STMN1: variants seen among roughly 807,000 people sequenced by gnomAD.
STMN1 encodes the protein stathmin 1.
A neutral mutation model predicts 19.7 loss-of-function variants in STMN1; 3 were observed. The ratio of observed to expected loss-of-function variants is 0.15; its 90% confidence interval spans 0.07 to 0.39. The LOEUF (loss-of-function observed/expected upper bound fraction) is 0.39, where lower values mean the gene tolerates loss of function less well. STMN1 is among the 10% of genes least tolerant of loss of function. The pLI, the probability that STMN1 is intolerant of heterozygous loss-of-function variation, is 1.00. For synonymous variants in STMN1, 59 were observed against 58.9 expected (o/e 1.00, Z -0.01); for missense variants, 99 against 176.0 (o/e 0.56, Z 2.48).
chr1:25,885,664 A>T, exon 5 of STMN1: 1 of 1,487,290 alleles, frequency 6.7e-7, no homozygotes. Context: ...CCTCTTGGCC[A>T]GACTGTTCAT....
intron 4 of STMN1, among the ~76,000 whole-genome samples, chr1:25,890,744 C>T (rs1404304403): frequency 1.3e-5 from 2 of 152,196 alleles, no homozygotes; most frequent in Admixed American, 6.5e-5. Flanking sequence ...CTACGGGACA[C>T]ACCCAGCAGC....
At chr1:25,894,547 G>A (rs544138949) in intron 4 of STMN1, among the ~76,000 whole-genome samples, 1 of 152,204 alleles carries the variant, frequency 6.6e-6, no homozygotes, top group East Asian at 1.9e-4. Context: ...GGCCATTGTG[G>A]CATGCACCTA....
downstream of STMN1, among the ~76,000 whole-genome samples, chr1:25,899,231 G>T (rs934204111): frequency 3.3e-5 from 5 of 152,118 alleles, no homozygotes; most frequent in Admixed American, 6.5e-5. Context: ...TGTCTTAGAT[G>T]AACAAAAGCT....
Position 25,900,715 on chromosome 1 carries a change from C to T in STMN1, c.*301G>A. 9.0e-7 allele frequency: 1 copy of T among 1,117,310 alleles called. No homozygotes were observed. The highest frequency in any genetic ancestry group is 1.1e-6 in the Non-Finnish European group (1 of 915,056). 69.2% of individuals were successfully genotyped at this position (1,117,310 alleles called of 1,614,324 possible). A position where few individuals can be genotyped will look rare whatever the true frequency, so the allele number is the denominator to read the frequency against. ...TACTCTTTTCACAAATATGTTTTCA[C>T]AGAGCCAATACAGTACTAGCCATTA... On this transcript the variant is annotated 3_prime_UTR_variant, in exon 5 of 5. Coordinates refer to ENST00000455785, the MANE Select transcript of STMN1 (RefSeq NM_005563.4).
At position 25,904,534 on chromosome 1, in the gene STMN1, T is replaced by C. The variant is rs563269418; in HGVS notation, c.13+130A>G. On this transcript the variant is annotated intron_variant, in intron 2 of 4. Transcript: ENST00000455785. ...CAAGTGATAATCATTTTTAAATTCT[T>C]CTCCTATTCATAAAATAGGTTTTGG... The C allele has an allele frequency of 2.6e-5, 19 of 737,004 alleles. No individual in the cohort carries two copies. In the African/African-American group the frequency reaches 2.9e-4, roughly 11 times the overall value. 45.7% of individuals were successfully genotyped at this position (737,004 alleles called of 1,614,324 possible). A position where few individuals can be genotyped will look rare whatever the true frequency, so the allele number is the denominator to read the frequency against.
At chr1:25,897,960 CCA>C (rs1238957849), downstream of STMN1, among the ~76,000 whole-genome samples, 1 of 152,204 alleles carries the variant, frequency 6.6e-6, no homozygotes, top group African/African-American at 2.4e-5. Flanking sequence ...ATGGATTGCT[CCA>C]GAGCCCAGCA....
At chr1:25,887,367 T>C (rs2048731358) in intron 4 of STMN1, 2 of 277,538 alleles carry the variant, frequency 7.2e-6, no homozygotes, top group South Asian at 9.5e-5. Flanking sequence ...ACGGTAAGTC[T>C]ACCCCTCAAT....
chr1:25,904,532 C>A, intron 2 of STMN1, 132 bp downstream of exon 2: 2 of 732,952 alleles, frequency 2.7e-6, no homozygotes, highest in South Asian at 1.8e-5. Flanking sequence ...TTTTTAAATT[C>A]TTCTCCTATT....
At chr1:25,892,861 G>GA (rs2048788750) in intron 4 of STMN1, among the ~76,000 whole-genome samples, 1 of 152,006 alleles carries the variant, frequency 6.6e-6, no homozygotes, top group Non-Finnish European at 1.5e-5. Context: ...GTGATTTGGG[G>GA]AAAAAAGCCA....
At chr1:25,899,296 CCT>C (rs1278811953), downstream of STMN1, among the ~76,000 whole-genome samples, 1 of 102,544 alleles carries the variant, frequency 9.8e-6, no homozygotes, top group Admixed American at 1.1e-4. Flanking sequence ...ACCCTCAGGC[CCT>C]CTTTATATTC....
intron 4 of STMN1, among the ~76,000 whole-genome samples, chr1:25,895,026 T>C (rs565717511): frequency 6.6e-6 from 1 of 151,722 alleles, no homozygotes; most frequent in Non-Finnish European, 1.5e-5. Flanking sequence ...AGAGGTACAG[T>C]ACATCTCTGG....
At chr1:25,904,529 ATTC>A (rs1339077051) in intron 2 of STMN1, 132 bp downstream of exon 2, 3 of 727,034 alleles carry the variant, frequency 4.1e-6, no homozygotes, top group East Asian at 2.7e-5. Flanking sequence ...TCATTTTTAA[ATTC>A]TTCTCCTATT....
rs142141089 is a variant in STMN1, at chr1:25,904,633, C to A, written c.13+31G>T. 1.0e-5 allele frequency: 16 copies of A among 1,598,466 alleles called. No homozygotes were observed. In the South Asian group the frequency reaches 1.5e-4, roughly 15 times the overall value. On this transcript the variant is annotated intron_variant, in intron 2 of 4. Coordinates refer to ENST00000455785, the MANE Select transcript of STMN1 (RefSeq NM_005563.4). ...TCAATCTAAAATCATAAGCCCATTA[C>A]AATTTCAGATTTTCCAAATAGATTA...
In STMN1 at chr1:25,885,654, C is replaced by A. The variant is rs147016836; in HGVS notation, c.*69G>T. The A allele has an allele frequency of 3.1e-5, 45 of 1,436,964 alleles. No individual in the cohort carries two copies. In the African/African-American group the frequency reaches 6.1e-4, roughly 19 times the overall value. 89.0% of individuals were successfully genotyped at this position (1,436,964 alleles called of 1,614,324 possible). On this transcript the variant is annotated 3_prime_UTR_variant, in exon 5 of 5. Coordinates refer to the STMN1 transcript ENST00000426559. ...TTTTTCTATCTTCCACATCAAGGATCCTCTTGGCCAGACTGTTCATCAGTC... is the reference window on the plus strand; with the variant it reads ...TTTTTCTATCTTCCACATCAAGGATACTCTTGGCCAGACTGTTCATCAGTC...
In STMN1 at chr1:25,906,043, A is replaced by G. The variant is rs1453114170; in HGVS notation, c.-63+346T>C. The G allele has an allele frequency of 6.6e-6, 1 of 151,878 alleles. No individual in the cohort carries two copies. Among genetic ancestry groups the G allele is most frequent in the Non-Finnish European group, 1.5e-5 (1 of 68,050 alleles). The allele number at this position is 151,878 out of a possible 1,614,324, so 9.4% of individuals were successfully genotyped here. A position where few individuals can be genotyped will look rare whatever the true frequency, so the allele number is the denominator to read the frequency against. ...GGGGCACCGCCCCGTCCCTTCAGAC[A>G]ATGGGGAACCCGGCGGGGCCCGCAG... On this transcript the variant is annotated intron_variant, in intron 1 of 4. Coordinates refer to ENST00000455785, the MANE Select transcript of STMN1 (RefSeq NM_005563.4). The surrounding 1 kb of genome is among the most constrained non-coding windows in gnomAD (Gnocchi z 4.5).
At chr1:25,892,216 C>T (rs1185537203) in intron 4 of STMN1, among the ~76,000 whole-genome samples, 1 of 152,144 alleles carries the variant, frequency 6.6e-6, no homozygotes, top group African/African-American at 2.4e-5. Flanking sequence ...GGCAAAACCT[C>T]GTCTCTACTA....
At chr1:25,890,526 G>A (rs1415870215) in intron 4 of STMN1, among the ~76,000 whole-genome samples, 1 of 152,220 alleles carries the variant, frequency 6.6e-6, no homozygotes, top group African/African-American at 2.4e-5. Context: ...ATCTGCACAT[G>A]AAGTTCCCTG....
chr1:25,884,971 C>T (rs1233623621), downstream of STMN1: 1 of 153,642 alleles, frequency 6.5e-6, no homozygotes, highest in African/African-American at 2.4e-5. Flanking sequence ...TCCTAAAATC[C>T]CTTTGGTATC....
At chr1:25,896,148 G>A (rs1407050560), downstream of STMN1, among the ~76,000 whole-genome samples, 3 of 152,202 alleles carry the variant, frequency 2.0e-5, no homozygotes, top group East Asian at 1.9e-4. Flanking sequence ...CTGGGTTTGA[G>A]TCCTGACTCT....
Sources: allele counts gnomAD v4.1 joint callset (sites outside exome capture counted in the v4.1 genomes callset), GRCh38; gene constraint gnomAD v4.1.1; non-coding constraint Gnocchi (gnomAD v3.1); transcripts MANE v1.5; gene names NCBI Gene and HGNC (gene_info 2026-07-23, HGNC 2026-07-21).